Variants in EPHA7 observed in about 807,000 individuals in gnomAD.
EPHA7 encodes EPH receptor A7.
Under a neutral mutation model 112.6 loss-of-function variants are expected in EPHA7, and 25 were observed. The observed-to-expected ratio is 0.22, with a 90% confidence interval of 0.16 to 0.31. EPHA7 has a LOEUF of 0.31. EPHA7 is among the 10% of genes least tolerant of loss of function. The pLI, the probability that EPHA7 is intolerant of heterozygous loss-of-function variation, is 1.00. For synonymous variants in EPHA7, 437 were observed against 406.5 expected, an observed-to-expected ratio of 1.07 and a Z score of -0.90; for missense variants, 962 against 1,212.6, an observed-to-expected ratio of 0.79 and a Z score of 3.07.
At chr6:93,403,081 G>C (rs573103528) in intron 3 of EPHA7, among the ~76,000 whole-genome samples, 1 of 152,116 alleles carries the variant, frequency 6.6e-6, no homozygotes, top group East Asian at 1.9e-4. Flanking sequence ...CTAATTATTA[G>C]CACTTTATCC....
chr6:93,301,057 A>G (rs1169944249), intron 5 of EPHA7, among the ~76,000 whole-genome samples: 1 of 152,146 alleles, frequency 6.6e-6, no homozygotes, highest in Non-Finnish European at 1.5e-5. Context: ...TTATAATCTT[A>G]TGGGCCAGCT....
intron 5 of EPHA7, among the ~76,000 whole-genome samples, chr6:93,345,158 G>A (rs1775337416): frequency 1.3e-5 from 2 of 151,646 alleles, no homozygotes; most frequent in South Asian, 4.1e-4. Context: ...GAGTTTAAGA[G>A]TATTAGCAGT....
At chr6:93,248,905 G>C (rs749370704) in intron 14 of EPHA7, among the ~76,000 whole-genome samples, 1 of 152,110 alleles carries the variant, frequency 6.6e-6, no homozygotes, top group Non-Finnish European at 1.5e-5. Context: ...ACTAGAAAAA[G>C]TATTTTTCCA....
chr6:93,328,359 CT>C (rs543329485), intron 5 of EPHA7, among the ~76,000 whole-genome samples: 223 of 151,478 alleles, frequency 1.5e-3, no homozygotes, highest in Non-Finnish European at 2.4e-3. Context: ...ACAGAGATTT[CT>C]TTTTTTGTCT....
Position 93,358,287 on chromosome 6 carries a change from A to T in EPHA7, c.957T>A (p.Ala319=). 1 of 1,612,534 alleles carries T rather than the reference A, an allele frequency of 6.2e-7. No homozygotes were observed. The highest frequency in any genetic ancestry group is 8.5e-7 in the Non-Finnish European group (1 of 1,179,222). Residue 319 remains alanine, a synonymous_variant, in exon 4 of 17, where the codon GCT becomes GCA. Transcript: ENST00000369303. ...ACGCAACGTATGGTGGGTCAGATGG[A>T]GCCCTGTAATACCCATCTTCACATT... The part of the protein sequence containing the change: ...RCECEDGYYR[A]PSDPPYVACT...
intron 3 of EPHA7, among the ~76,000 whole-genome samples, chr6:93,402,119 AAACT>A (rs1778461550): frequency 6.6e-6 from 1 of 152,034 alleles, no homozygotes; most frequent in African/African-American, 2.4e-5. Flanking sequence ...AAGTCACACT[AAACT>A]AACAAACCAC....
intron 3 of EPHA7, among the ~76,000 whole-genome samples, chr6:93,364,220 C>T (rs1776392993): frequency 6.6e-6 from 1 of 151,824 alleles, no homozygotes; most frequent in South Asian, 2.1e-4. Flanking sequence ...CTTAATAAAG[C>T]TCTCATTATA....
Position 93,410,583 on chromosome 6 carries a change from G to T in EPHA7, c.750C>A (p.Cys250Ter), listed in dbSNP as rs1233372560. Residue 250 changes from cysteine (C) to a stop codon, truncating the protein, a stop_gained, in exon 3 of 17, where the codon TGC (cysteine) becomes TGA (stop). Transcript: ENST00000369303. LOFTEE classifies it high-confidence loss of function. The surrounding 1 kb of genome is among the most constrained non-coding windows in gnomAD (Gnocchi z 4.0). ...EEAENAPRMH[C>*]SAEGEWLVPI... ...GCACTAACCATTCTCCTTCTGCACTGCAGTGCATCCTGGGGGCGTTTTCCG... is the reference window on the plus strand; with the variant it reads ...GCACTAACCATTCTCCTTCTGCACTTCAGTGCATCCTGGGGGCGTTTTCCG... 1 of 1,613,998 alleles carries T rather than the reference G, an allele frequency of 6.2e-7. No individual in the cohort carries two copies.
intron 3 of EPHA7, among the ~76,000 whole-genome samples, chr6:93,382,173 C>A (rs1582635586): frequency 6.6e-6 from 1 of 152,218 alleles, no homozygotes; most frequent in East Asian, 1.9e-4. Flanking sequence ...TGGTCCCCAA[C>A]CCTTTTGGTA....
At chr6:93,418,960 C>G (rs1779388332) in intron 1 of EPHA7, among the ~76,000 whole-genome samples, 1 of 152,222 alleles carries the variant, frequency 6.6e-6, no homozygotes, top group African/African-American at 2.4e-5. Flanking sequence ...TCCAACCCCA[C>G]CCCACCCCCG....
chr6:93,299,248 C>G (rs1305315256), intron 5 of EPHA7, among the ~76,000 whole-genome samples: 1 of 151,886 alleles, frequency 6.6e-6, no homozygotes, highest in African/African-American at 2.4e-5. Flanking sequence ...ATGGCGTGAA[C>G]CCGGGAGGCG....
In EPHA7 at chr6:93,258,247, A is replaced by G; in HGVS notation, c.1962T>C (p.Leu654=). 6.2e-7 allele frequency: 1 copy of G among 1,611,240 alleles called. No homozygotes were observed. Among genetic ancestry groups the G allele is most frequent in the Non-Finnish European group, 8.5e-7 (1 of 1,178,530 alleles). Residue 654 remains leucine, a synonymous_variant, in exon 11 of 17, where the codon CTT becomes CTC. Coordinates refer to ENST00000369303, the MANE Select transcript of EPHA7 (RefSeq NM_004440.4). ...CTACTGCAACATCTCTTTTCCCTGG[A>G]AGTTTCAAACGGCCACTGCAGACTT... The part of the protein sequence containing the change: ...FGEVCSGRLK[L]PGKRDVAVAI...
rs144713446 is a variant in EPHA7 at position 93,395,949 on chromosome 6, C to T, written c.832+14552G>A. On this transcript the variant is annotated intron_variant, in intron 3 of 16. Transcript: ENST00000369303. ...TGGTGCTAACAGGTCCAGACGTTTT[C>T]ATCGATTGGATTCTCTACCTTTTTA... 4.9e-3 allele frequency among the ~76,000 whole-genome samples: 741 copies of T among 151,978 alleles called. 3 individuals carry two copies. The highest frequency in any genetic ancestry group is 0.016 in the African/African-American group (679 of 41,518).
At chr6:93,261,707 T>A (rs1368157489) in intron 9 of EPHA7, among the ~76,000 whole-genome samples, 1 of 151,564 alleles carries the variant, frequency 6.6e-6, no homozygotes, top group African/African-American at 2.4e-5. Flanking sequence ...GAAATTTCAA[T>A]ATCTTAAAAC....
At chr6:93,406,898 A>G (rs1437414414) in intron 3 of EPHA7, among the ~76,000 whole-genome samples, 1 of 151,936 alleles carries the variant, frequency 6.6e-6, no homozygotes, top group Non-Finnish European at 1.5e-5. Context: ...TATACTTTTT[A>G]TCTAAGAAAA....
intron 5 of EPHA7, among the ~76,000 whole-genome samples, chr6:93,345,769 G>A (rs1775374772): frequency 6.6e-6 from 1 of 151,482 alleles, no homozygotes; most frequent in African/African-American, 2.4e-5. Context: ...TGGATCAGTT[G>A]GTTAAAACTG....
intron 5 of EPHA7, among the ~76,000 whole-genome samples, chr6:93,281,020 T>C (rs1484423255): frequency 6.6e-6 from 1 of 152,028 alleles, no homozygotes; most frequent in Non-Finnish European, 1.5e-5. Flanking sequence ...TATTCTAAGG[T>C]GGGATACCAG....
intron 5 of EPHA7, among the ~76,000 whole-genome samples, chr6:93,279,231 T>C (rs766417141): frequency 6.6e-6 from 1 of 152,152 alleles, no homozygotes; most frequent in Non-Finnish European, 1.5e-5. Context: ...AACACAAATA[T>C]GTGCATGTTT....
intron 3 of EPHA7, among the ~76,000 whole-genome samples, chr6:93,377,749 A>T (rs548920842): frequency 6.6e-5 from 10 of 152,214 alleles, no homozygotes; most frequent in African/African-American, 1.9e-4. Flanking sequence ...AATGTAATCA[A>T]TTCCTGTTTG....
Sources: gnomAD v4.1 joint callset for allele counts (sites outside exome capture counted in the v4.1 genomes callset) on GRCh38, gnomAD v4.1.1 for gene constraint, Gnocchi (gnomAD v3.1) non-coding constraint, MANE v1.5 for transcripts, NCBI Gene and HGNC (gene_info 2026-07-23, HGNC 2026-07-21) for gene names.